ATRNL1: variants seen among roughly 807,000 people sequenced by gnomAD.
ATRNL1 encodes the protein attractin like 1, also known as attractin-like protein 1.
Under a neutral mutation model 182.7 loss-of-function variants are expected in ATRNL1, and 95 were observed. The ratio of observed to expected loss-of-function variants is 0.52; its 90% CI spans 0.44 to 0.62. The LOEUF is 0.62. Among genes scored for constraint, ATRNL1 ranks in the 20% least tolerant of loss-of-function variants. The pLI is 0.00. For missense variants in ATRNL1, 1,471 were observed against 1,679.5 expected, an observed-to-expected ratio of 0.88 and a Z score of 2.17; for synonymous variants, 576 against 568.3, an observed-to-expected ratio of 1.01 and a Z score of -0.19.
chr10:115,625,869 T>G (rs2133817107), intron 26 of ATRNL1, among the ~76,000 whole-genome samples: 1 of 152,258 alleles, frequency 6.6e-6, no homozygotes, highest in Non-Finnish European at 1.5e-5. Context: ...CCTCCAAATC[T>G]AAGCCCCTCA....
At chr10:115,373,791 T>G (rs1857517117) in intron 19 of ATRNL1, among the ~76,000 whole-genome samples, 1 of 152,110 alleles carries the variant, frequency 6.6e-6, no homozygotes, top group Admixed American at 6.5e-5. Context: ...GTTGATTTTT[T>G]TCATCTATGT....
At chr10:115,267,300 A>C (rs1307329094) in intron 12 of ATRNL1, among the ~76,000 whole-genome samples, 3 of 151,234 alleles carry the variant, frequency 2.0e-5, no homozygotes, top group African/African-American at 7.3e-5. Flanking sequence ...TTTCCAGTAC[A>C]TCATTTCTAA....
intron 20 of ATRNL1, among the ~76,000 whole-genome samples, chr10:115,407,915 C>T (rs560005635): frequency 2.7e-5 from 4 of 149,282 alleles, no homozygotes; most frequent in African/African-American, 9.8e-5. Flanking sequence ...CTTAAAAAGA[C>T]ACAGCCATTT....
intron 26 of ATRNL1, among the ~76,000 whole-genome samples, chr10:115,643,662 T>C (rs575705166): frequency 1.3e-5 from 2 of 152,202 alleles, no homozygotes; most frequent in South Asian, 2.1e-4. Context: ...AAAGAAGATA[T>C]ATGGATGACC....
chr10:115,437,900 T>C (rs1328211998), intron 21 of ATRNL1, among the ~76,000 whole-genome samples: 1 of 151,980 alleles, frequency 6.6e-6, no homozygotes, highest in Non-Finnish European at 1.5e-5. Flanking sequence ...TCCTATGACA[T>C]AGGCGGTTTT....
intron 19 of ATRNL1, among the ~76,000 whole-genome samples, chr10:115,368,198 C>G (rs1857170258): frequency 6.6e-6 from 1 of 152,368 alleles, no homozygotes; most frequent in Admixed American, 6.5e-5. Flanking sequence ...GTAGGACCCT[C>G]TGAGCCAGGT....
Position 115,398,394 on chromosome 10 carries a change from G to A in ATRNL1, c.3269+3642G>A, listed in dbSNP as rs556388133. On this transcript the variant is annotated intron_variant, in intron 20 of 28. Transcript: ENST00000355044. ...CATTTGTGTCATCTCTGATTTTTTT[G>A]TGCAGTGGTTTTTAGTTTTCCTTGT... Among the ~76,000 whole-genome samples, 5 of 151,926 alleles carry A rather than the reference G, an allele frequency of 3.3e-5. No individual in the cohort carries two copies. The South Asian group carries it at 1.0e-3, about 32-fold the overall frequency.
intron 3 of ATRNL1, among the ~76,000 whole-genome samples, chr10:115,125,496 A>ATT (rs879992221): frequency 1.4e-5 from 2 of 141,732 alleles, no homozygotes; most frequent in Non-Finnish European, 3.1e-5. Context: ...GAGAAGTGTT[A>ATT]TTTTTTTTTT....
At chr10:115,607,633 A>G (rs1856938076) in intron 26 of ATRNL1, among the ~76,000 whole-genome samples, 4 of 151,888 alleles carry the variant, frequency 2.6e-5, no homozygotes, top group Admixed American at 6.6e-5. Context: ...ACTTAAATCT[A>G]GAATTTTGGA....
At chr10:115,162,124 T>G (rs1846816266) in intron 6 of ATRNL1, among the ~76,000 whole-genome samples, 1 of 151,118 alleles carries the variant, frequency 6.6e-6, no homozygotes, top group Non-Finnish European at 1.5e-5. Context: ...CTTTGTAAAG[T>G]TAGGGAGGAA....
chr10:115,431,243 T>G (rs1846147076), intron 21 of ATRNL1, among the ~76,000 whole-genome samples: 2 of 151,898 alleles, frequency 1.3e-5, no homozygotes, highest in South Asian at 4.1e-4. Flanking sequence ...CCGTCTCTAC[T>G]AAAAATACAA....
chr10:115,533,724 T>A (rs1417247727), intron 25 of ATRNL1, among the ~76,000 whole-genome samples: 4 of 149,974 alleles, frequency 2.7e-5, no homozygotes, highest in African/African-American at 4.9e-5. Flanking sequence ...CTTTCCTGCT[T>A]TCTCTTGTGG....
chr10:115,189,522 G>A (rs1259787271), intron 8 of ATRNL1, among the ~76,000 whole-genome samples: 1 of 151,936 alleles, frequency 6.6e-6, no homozygotes, highest in Non-Finnish European at 1.5e-5. Context: ...CTAGGCTAAT[G>A]TGTGTGTTTG....
intron 26 of ATRNL1, among the ~76,000 whole-genome samples, chr10:115,605,470 T>TA (rs1856822267): frequency 6.6e-6 from 1 of 152,116 alleles, no homozygotes; most frequent in South Asian, 2.1e-4. Context: ...ATAGATTACT[T>TA]ACATTTATTT....
At chr10:115,687,263 TCCA>T (rs1369921355) in intron 26 of ATRNL1, among the ~76,000 whole-genome samples, 9 of 152,110 alleles carry the variant, frequency 5.9e-5, no homozygotes, top group African/African-American at 2.2e-4. Context: ...CTCACACTTC[TCCA>T]CTTCCGTCTT....
intron 25 of ATRNL1, among the ~76,000 whole-genome samples, chr10:115,526,522 T>C (rs1379215816): frequency 6.6e-6 from 1 of 152,188 alleles, no homozygotes; most frequent in Admixed American, 6.5e-5. Flanking sequence ...TCAAGTATTT[T>C]CTCTATCAGT....
chr10:115,461,500 T>C (rs1246983808), intron 21 of ATRNL1, among the ~76,000 whole-genome samples: 3 of 152,082 alleles, frequency 2.0e-5, no homozygotes, highest in Non-Finnish European at 4.4e-5. Flanking sequence ...GCTATCAAAC[T>C]TCATGTTTTC....
rs186849492 is a variant in ATRNL1, at chr10:115,283,250, C to T, written c.2233+1763C>T. Among the ~76,000 whole-genome samples the T allele has an allele frequency of 1.9e-4, 29 of 152,082 alleles. No individual in the cohort carries two copies. In the East Asian group the frequency reaches 4.8e-3, roughly 25 times the overall value. ...CCATCATGGTGAAACCCCGTCTCTA[C>T]TAAAAATACAAAATTTAGCTGGGTG... On this transcript the variant is annotated intron_variant, in intron 14 of 28. Transcript: ENST00000355044.
rs1297284728 is a variant in ATRNL1 at position 115,947,551 on chromosome 10, TTAG to T, written c.*2773_*2775del. 37 of 152,766 alleles carry T rather than the reference TTAG, an allele frequency of 2.4e-4. No individual in the cohort carries two copies. Among genetic ancestry groups the T allele is most frequent in the African/African-American group, 8.4e-4 (35 of 41,574 alleles). The allele number at this position is 152,766 out of a possible 1,614,324, so 9.5% of individuals were successfully genotyped here. ...ATTCAGCTAATAAATTTTAAGAGGA[TTAG>T]GATTCTCATAATTCTTTAAATGAAA... is the stretch of plus-strand genomic sequence containing the variant. On this transcript the variant is annotated 3_prime_UTR_variant, in exon 29 of 29. Transcript: ENST00000355044.
Sources: gnomAD v4.1 joint callset for allele counts (sites outside exome capture counted in the v4.1 genomes callset) on GRCh38, gnomAD v4.1.1 for gene constraint, MANE v1.5 for transcripts, NCBI Gene and HGNC (gene_info 2026-07-23, HGNC 2026-07-21) for gene names.